Variants in OSBPL1A observed in about 807,000 individuals in gnomAD.
OSBPL1A encodes oxysterol-binding protein-related protein 1.
A neutral mutation model predicts 137.1 loss-of-function variants in OSBPL1A; 80 were observed. The observed-to-expected ratio is 0.58, with a 90% confidence interval of 0.49 to 0.70. The LOEUF is 0.70. Ranked by LOEUF, OSBPL1A falls within the 30% of genes least tolerant of loss-of-function variation. OSBPL1A has a pLI of 0.00. For synonymous variants in OSBPL1A, 365 were observed against 389.7 expected (o/e 0.94, Z 0.75); for missense variants, 970 against 1,129.4 (o/e 0.86, Z 2.02).
chr18:24,207,479 G>A (rs2087409037), intron 17 of OSBPL1A, among the ~76,000 whole-genome samples: 1 of 152,152 alleles, frequency 6.6e-6, no homozygotes, highest in Non-Finnish European at 1.5e-5. Flanking sequence ...TAAGTATTAT[G>A]TAGGAATCAT....
intron 17 of OSBPL1A, among the ~76,000 whole-genome samples, chr18:24,220,688 T>G (rs549317478): frequency 6.6e-6 from 1 of 152,254 alleles, no homozygotes; most frequent in East Asian, 1.9e-4. Context: ...GACAGAGTAT[T>G]TTTCTACCCA....
chr18:24,214,020 C>T (rs1213710421), intron 17 of OSBPL1A, among the ~76,000 whole-genome samples: 1 of 152,152 alleles, frequency 6.6e-6, no homozygotes, highest in Non-Finnish European at 1.5e-5. Context: ...TTTTAGGCAG[C>T]TGGATTCCCT....
intron 18 of OSBPL1A, among the ~76,000 whole-genome samples, chr18:24,194,906 A>C (rs899275470): frequency 1.3e-5 from 2 of 152,200 alleles, no homozygotes; most frequent in African/African-American, 2.4e-5. Flanking sequence ...GGAGTCAAAA[A>C]ATATTTGTTT....
At chr18:24,229,389 T>C (rs1451768273) in intron 16 of OSBPL1A, among the ~76,000 whole-genome samples, 2 of 152,250 alleles carry the variant, frequency 1.3e-5, no homozygotes, top group African/African-American at 4.8e-5. Flanking sequence ...TAAAAACTAG[T>C]TGCTTAAAAG....
At chr18:24,209,658 CA>C (rs1336912016) in intron 17 of OSBPL1A, among the ~76,000 whole-genome samples, 1 of 152,072 alleles carries the variant, frequency 6.6e-6, no homozygotes, top group African/African-American at 2.4e-5. Flanking sequence ...ACAGATAAGC[CA>C]AACTGTGGGA....
At chr18:24,222,351 T>C (rs2087920065) in intron 17 of OSBPL1A, among the ~76,000 whole-genome samples, 1 of 152,156 alleles carries the variant, frequency 6.6e-6, no homozygotes, top group Admixed American at 6.5e-5. Context: ...TGCTTTCTGT[T>C]AGTATCATCT....
chr18:24,248,668 C>T (rs1343213841), intron 15 of OSBPL1A, among the ~76,000 whole-genome samples: 1 of 152,164 alleles, frequency 6.6e-6, no homozygotes, highest in Non-Finnish European at 1.5e-5. Context: ...CCAAACTGTA[C>T]CTTCAGACAT....
intron 18 of OSBPL1A, among the ~76,000 whole-genome samples, chr18:24,183,536 G>A (rs1385174194): frequency 6.6e-6 from 1 of 151,280 alleles, no homozygotes; most frequent in East Asian, 1.9e-4. Context: ...AGGTTCAAGC[G>A]ATTCTCATGC....
intron 13 of OSBPL1A, among the ~76,000 whole-genome samples, chr18:24,311,081 G>A (rs946111510): frequency 1.3e-5 from 2 of 152,126 alleles, no homozygotes; most frequent in Non-Finnish European, 2.9e-5. Flanking sequence ...ACAAACATGG[G>A]AGAGTTCAAA....
At chr18:24,260,302 T>A (rs575050023) in intron 15 of OSBPL1A, among the ~76,000 whole-genome samples, 1 of 152,248 alleles carries the variant, frequency 6.6e-6, no homozygotes, top group African/African-American at 2.4e-5. Context: ...AACCCAGGAA[T>A]CCTACTTTTA....
Position 24,204,109 on chromosome 18 carries a change from C to T in OSBPL1A, c.1602-7909G>A, listed in dbSNP as rs150962590. 3.7e-4 allele frequency among the ~76,000 whole-genome samples: 57 copies of T among 152,290 alleles called. No homozygotes were observed. In the East Asian group the frequency reaches 0.01, roughly 27 times the overall value. ...TCTCTATTTCACATATCCACAGATG[C>T]GGCCAGACTGCTTTTGGAGAAGCTT... On this transcript the variant is annotated intron_variant, in intron 17 of 27. Coordinates refer to ENST00000319481, the MANE Select transcript of OSBPL1A (RefSeq NM_080597.4).
intron 13 of OSBPL1A, among the ~76,000 whole-genome samples, chr18:24,309,817 C>T (rs775537992): frequency 1.3e-5 from 2 of 151,908 alleles, no homozygotes; most frequent in Non-Finnish European, 2.9e-5. Flanking sequence ...GAGGCGGAAG[C>T]GGGAGGATCA....
At position 24,178,014 on chromosome 18, in the gene OSBPL1A, C is replaced by T; in HGVS notation, c.2092G>A (p.Glu698Lys). 1 of 1,613,218 alleles carries T rather than the reference C, an allele frequency of 6.2e-7. No individual in the cohort carries two copies. The highest frequency in any genetic ancestry group is 8.5e-7 in the Non-Finnish European group (1 of 1,179,292). Residue 698 changes from glutamate to lysine, a missense_variant and splice_region_variant, in exon 21 of 28, where the codon GAA (glutamate) becomes AAA (lysine). Around this residue, in one of 2 missense-constraint regions of OSBPL1A, gnomAD observed 323 missense variants for 456.8 expected, o/e 0.71. Transcript: ENST00000319481. ...PKGTITLELLEHNEAYTWTNP... is the reference protein window; with the variant it reads ...PKGTITLELLKHNEAYTWTNP... ...TGTAATGGCTTGATCAGAACTCACT[C>T]AAGGAGCTCCAAGGTGATGGTTCCT...
Position 24,246,619 on chromosome 18 carries a change from C to T in OSBPL1A, c.1282-7237G>A, listed in dbSNP as rs577403344. 5.3e-5 allele frequency among the ~76,000 whole-genome samples: 8 copies of T among 151,804 alleles called. 1 individual carries two copies. In the South Asian group the frequency reaches 8.3e-4, roughly 16 times the overall value. Reference sequence around the variant, plus strand: ...CAGTCTGACCAACATGGTGAAACCCCGTCTCTACTAAAAATACAAAAATTA... The same window carrying T: ...CAGTCTGACCAACATGGTGAAACCCTGTCTCTACTAAAAATACAAAAATTA... On this transcript the variant is annotated intron_variant, in intron 15 of 27. Coordinates refer to ENST00000319481, the MANE Select transcript of OSBPL1A (RefSeq NM_080597.4).
chr18:24,341,392 A>C (rs1221512975), intron 5 of OSBPL1A, among the ~76,000 whole-genome samples, 155 bp downstream of exon 5: 9 of 152,182 alleles, frequency 5.9e-5, no homozygotes, highest in Admixed American at 5.9e-4. Context: ...CATATAGATA[A>C]TTGTGTGTTT....
intron 27 of OSBPL1A, among the ~76,000 whole-genome samples, chr18:24,164,387 C>T (rs1311985999): frequency 1.3e-5 from 2 of 148,658 alleles, no homozygotes; most frequent in Non-Finnish European, 3.0e-5. Context: ...TAAATTAGTA[C>T]AGCCATTATG....
intron 17 of OSBPL1A, among the ~76,000 whole-genome samples, chr18:24,217,776 G>A (rs2087754823): frequency 6.6e-6 from 1 of 152,134 alleles, no homozygotes; most frequent in Non-Finnish European, 1.5e-5. Context: ...AAGAGAATCA[G>A]AGAGCAAATG....
chr18:24,234,072 T>C (rs1169957553), intron 16 of OSBPL1A, among the ~76,000 whole-genome samples: 1 of 152,156 alleles, frequency 6.6e-6, no homozygotes, highest in Non-Finnish European at 1.5e-5. Context: ...GAAGAGGTAT[T>C]TGAGAGCCTT....
intron 14 of OSBPL1A, among the ~76,000 whole-genome samples, 173 bp from the exon 15 acceptor site, chr18:24,281,121 T>G (rs2089949463): frequency 6.6e-6 from 1 of 152,216 alleles, no homozygotes; most frequent in South Asian, 2.1e-4. Flanking sequence ...GAGTCTGCTC[T>G]GTTGCCTAGG....
Sources: gnomAD v4.1 joint callset for allele counts (sites outside exome capture counted in the v4.1 genomes callset) on GRCh38, gnomAD v4.1.1 for gene constraint, gnomAD v4.1.1 regional missense constraint, MANE v1.5 for transcripts, NCBI Gene and HGNC (gene_info 2026-07-23, HGNC 2026-07-21) for gene names.